SPON1: variants seen among roughly 807,000 people sequenced by gnomAD.
SPON1 encodes spondin 1.
SPON1 carries 52 observed loss-of-function variants against 111.7 expected under a neutral mutation model. That is an observed-to-expected ratio of 0.47 (90% CI 0.37 to 0.59). The LOEUF (loss-of-function observed/expected upper bound fraction) is 0.59, where lower values mean the gene tolerates loss of function less well. Ranked by LOEUF, SPON1 falls within the 20% of genes least tolerant of loss-of-function variation. The probability of loss-of-function intolerance (pLI) is 0.00; values close to 1 mark genes in which losing one functional copy is unlikely to be tolerated. For synonymous variants in SPON1, 410 were observed against 395.8 expected (o/e 1.04, Z -0.43); for missense variants, 957 against 1,068.5 (o/e 0.90, Z 1.46).
In SPON1 at chr11:14,091,322, C is replaced by T. The variant is rs577996368; in HGVS notation, c.676+11301C>T. Among the ~76,000 whole-genome samples, 22 of 152,318 alleles carry T rather than the reference C, an allele frequency of 1.4e-4. No individual in the cohort carries two copies. In the South Asian group the frequency reaches 3.7e-3, roughly 26 times the overall value. On this transcript the variant is annotated intron_variant, in intron 5 of 15. Coordinates refer to ENST00000576479, the MANE Select transcript of SPON1 (RefSeq NM_006108.4). ...AGCTGCCTGCCAGTCCCGTGCCGAGCGCTGGCATTCCTCAGCCCTTGGGTG... is the reference window on the plus strand; with the variant it reads ...AGCTGCCTGCCAGTCCCGTGCCGAGTGCTGGCATTCCTCAGCCCTTGGGTG...
chr11:14,096,081 A>G (rs1313900743), intron 5 of SPON1, among the ~76,000 whole-genome samples: 1 of 152,232 alleles, frequency 6.6e-6, no homozygotes, highest in Non-Finnish European at 1.5e-5. Context: ...CGTCATACAC[A>G]GTTTCAGTGA....
chr11:14,130,239 C>T (rs1485586544), intron 5 of SPON1, among the ~76,000 whole-genome samples: 9 of 152,192 alleles, frequency 5.9e-5, no homozygotes, highest in Non-Finnish European at 1.3e-4. Flanking sequence ...CCCTACATCC[C>T]ACTGTGAGGT....
chr11:14,233,758 C>CTTTTTTTTTTTTT (rs10610600), intron 6 of SPON1, among the ~76,000 whole-genome samples: 4 of 96,844 alleles, frequency 4.1e-5, no homozygotes, highest in Non-Finnish European at 7.8e-5. Flanking sequence ...GTTTCTTTTT[C>CTTTTTTTTTTTTT]TTTTTTTTTT....
Position 14,262,888 on chromosome 11 carries a change from T to C in SPON1, c.2173T>C (p.Ser725Pro). ...CATCCGAAAATGCCTTCGAAATCCA[T>C]CCATCCAAAAGCTACGCTGGAGGGA... The part of the protein sequence containing the change: ...CRIRKCLRNP[S>P]IQKLRWREAR... The change falls in exon 15 of 16, where the codon TCC becomes CCC. Residue 725 changes from serine to proline, a missense_variant. By Grantham distance (74) the Ser-to-Pro change is moderately conservative (BLOSUM62 -1). Transcript: ENST00000576479. 2 of 1,613,776 alleles carry C rather than the reference T, an allele frequency of 1.2e-6. No individual in the cohort carries two copies. Among genetic ancestry groups the C allele is most frequent in the East Asian group, 2.2e-5 (1 of 44,868 alleles).
intron 5 of SPON1, among the ~76,000 whole-genome samples, chr11:14,084,075 T>C (rs1253144686): frequency 6.6e-6 from 1 of 152,158 alleles, no homozygotes; most frequent in Non-Finnish European, 1.5e-5. Flanking sequence ...AAAAATATGT[T>C]TACTCAAAGG....
intron 6 of SPON1, among the ~76,000 whole-genome samples, chr11:14,213,342 C>T (rs1317860710): frequency 6.6e-6 from 1 of 151,218 alleles, no homozygotes; most frequent in Non-Finnish European, 1.5e-5. Context: ...TAGTCTCAGA[C>T]AGAGAGAAAT....
intron 5 of SPON1, among the ~76,000 whole-genome samples, chr11:14,092,587 C>T (rs542606469): frequency 6.6e-6 from 1 of 152,244 alleles, no homozygotes; most frequent in South Asian, 2.1e-4. Context: ...TTCTGGGGTT[C>T]CTTCCATTGG....
At chr11:13,981,606 G>T (rs1013186349) in intron 1 of SPON1, among the ~76,000 whole-genome samples, 1 of 152,180 alleles carries the variant, frequency 6.6e-6, no homozygotes, top group Admixed American at 6.5e-5. Context: ...GATTACAGGC[G>T]TGAGCCACCG....
chr11:14,256,557 C>T, intron 9 of SPON1, 60 bp from the exon 10 acceptor site: 1 of 1,184,826 alleles, frequency 8.4e-7, no homozygotes, highest in South Asian at 1.3e-5. Flanking sequence ...CTTTCACCTT[C>T]CCCCTACACA....
At chr11:14,061,690 C>T (rs782320567) in intron 3 of SPON1, among the ~76,000 whole-genome samples, 4 of 152,180 alleles carry the variant, frequency 2.6e-5, no homozygotes, top group African/African-American at 7.2e-5. Flanking sequence ...ACAAAATTAA[C>T]GTGATTAAAT....
At chr11:14,203,225 T>G (rs907715588) in intron 6 of SPON1, among the ~76,000 whole-genome samples, 7 of 152,252 alleles carry the variant, frequency 4.6e-5, no homozygotes, top group African/African-American at 1.7e-4. Context: ...ACCATGTTTC[T>G]ATTTTATGAA....
In SPON1 at chr11:13,974,986, C is replaced by T. The variant is rs999354972; in HGVS notation, c.239-7861C>T. Among the ~76,000 whole-genome samples the T allele has an allele frequency of 2.6e-5, 4 of 152,206 alleles. No individual in the cohort carries two copies. In the East Asian group the frequency reaches 7.7e-4, roughly 29 times the overall value. On this transcript the variant is annotated intron_variant, in intron 1 of 15. Transcript: ENST00000576479. ...TGCTACATGGGATGCTGTTGATTCCCTTGTCCACTGGATAAACTCCTATTC... is the reference window on the plus strand; with the variant it reads ...TGCTACATGGGATGCTGTTGATTCCTTTGTCCACTGGATAAACTCCTATTC...
At chr11:14,143,972 C>T (rs1366038113) in intron 6 of SPON1, among the ~76,000 whole-genome samples, 3 of 152,174 alleles carry the variant, frequency 2.0e-5, no homozygotes, top group Non-Finnish European at 4.4e-5. Flanking sequence ...TGCATTGTTA[C>T]TTAAGAACCA....
intron 3 of SPON1, among the ~76,000 whole-genome samples, chr11:14,054,302 C>T (rs1848728699): frequency 1.3e-5 from 2 of 152,182 alleles, no homozygotes; most frequent in Non-Finnish European, 2.9e-5. Context: ...CTGTGGTGCA[C>T]TTGTAAGTCC....
At chr11:13,971,082 C>G (rs1554908554) in intron 1 of SPON1, among the ~76,000 whole-genome samples, 1 of 152,230 alleles carries the variant, frequency 6.6e-6, no homozygotes, top group Admixed American at 6.5e-5. Flanking sequence ...AGGTATTTCT[C>G]TCTCAGCCAG....
At chr11:14,093,945 G>A (rs1849079030) in intron 5 of SPON1, among the ~76,000 whole-genome samples, 1 of 152,094 alleles carries the variant, frequency 6.6e-6, no homozygotes, top group East Asian at 1.9e-4. Context: ...AGGCATGGTG[G>A]TCACGCCTAT....
chr11:13,965,310 C>G (rs537771238), intron 1 of SPON1, among the ~76,000 whole-genome samples: 1 of 152,248 alleles, frequency 6.6e-6, no homozygotes, highest in African/African-American at 2.4e-5. Flanking sequence ...AATGCAAGCC[C>G]AGGAAGATTT....
chr11:14,240,893 T>C (rs529169002), intron 6 of SPON1, among the ~76,000 whole-genome samples: 1 of 152,160 alleles, frequency 6.6e-6, no homozygotes, highest in East Asian at 1.9e-4. Context: ...TTTGAAGATA[T>C]CCAACACTTT....
At chr11:14,187,012 A>G (rs1158351349) in intron 6 of SPON1, among the ~76,000 whole-genome samples, 3 of 152,228 alleles carry the variant, frequency 2.0e-5, no homozygotes, top group African/African-American at 7.2e-5. Context: ...TATTTGGCTC[A>G]TGGCTCTGCA....
Sources: allele counts gnomAD v4.1 joint callset (sites outside exome capture counted in the v4.1 genomes callset), GRCh38; gene constraint gnomAD v4.1.1; transcripts MANE v1.5; gene names NCBI Gene and HGNC (gene_info 2026-07-23, HGNC 2026-07-21).